AGAP2: variants seen among roughly 807,000 people sequenced by gnomAD.
The protein encoded by AGAP2 is arf-GAP with GTPase, ANK repeat and PH domain-containing protein 2.
AGAP2 carries 32 observed loss-of-function variants against 110.9 expected under a neutral mutation model. The ratio of observed to expected loss-of-function variants is 0.29; its 90% confidence interval spans 0.22 to 0.39. The LOEUF is 0.39. Among genes scored for constraint, AGAP2 ranks in the 10% least tolerant of loss-of-function variants. The pLI, the probability that AGAP2 is intolerant of heterozygous loss-of-function variation, is 1.00. For missense variants in AGAP2, 1,285 were observed against 1,638.5 expected (o/e 0.78, Z 3.72); for synonymous variants, 702 against 713.0 (o/e 0.98, Z 0.25).
chr12:57,732,023 A>G, intron 7 of AGAP2, 56 bp from the exon 8 acceptor site: 14 of 1,577,576 alleles, frequency 8.9e-6, no homozygotes, highest in Non-Finnish European at 1.2e-5. Flanking sequence ...CCACCAAGCT[A>G]CACTCATATC....
Position 57,727,684 on chromosome 12 carries a change from G to T in AGAP2, c.2854C>A (p.Pro952Thr). Reference sequence around the variant, plus strand: ...TCCGCTGCCTCCTGGCACTCACTGGGGGCCCCGCAGTCCACGCAGATTGAA... The same window carrying T: ...TCCGCTGCCTCCTGGCACTCACTGGTGGCCCCGCAGTCCACGCAGATTGAA... ...GNSICVDCGA[P>T]NPTWASLNLG... Residue 952 changes from proline (P) to threonine (T), a missense_variant, in exon 16 of 19, where the codon CCC (proline) becomes ACC (threonine). Pro to Thr is a conservative substitution (Grantham distance 38, BLOSUM62 -1). Transcript: ENST00000547588. The T allele has an allele frequency of 6.2e-7, 1 of 1,606,048 alleles. No homozygotes were observed. Among genetic ancestry groups the T allele is most frequent in the East Asian group, 2.2e-5 (1 of 44,594 alleles).
At chr12:57,730,274 C>T (rs1954860134) in intron 12 of AGAP2, 1 of 646,852 alleles carries the variant, frequency 1.5e-6, no homozygotes, top group Non-Finnish European at 2.6e-6. Flanking sequence ...AGTAACTTGC[C>T]CATGTGGCAA....
intron 5 of AGAP2, among the ~76,000 whole-genome samples, chr12:57,733,357 G>A (rs1954922775): frequency 6.6e-6 from 1 of 152,112 alleles, no homozygotes; most frequent in Admixed American, 6.5e-5. Context: ...TGTGAACTAG[G>A]AAAAGGTTGG....
upstream of AGAP2, among the ~76,000 whole-genome samples, chr12:57,741,120 C>T (rs1391942806): frequency 6.6e-6 from 1 of 152,178 alleles, no homozygotes; most frequent in Non-Finnish European, 1.5e-5. Context: ...TCCACCAGTT[C>T]CTCAGTGGTA....
intron 1 of AGAP2, among the ~76,000 whole-genome samples, chr12:57,736,140 G>C (rs1954977609): frequency 6.6e-6 from 1 of 151,320 alleles, no homozygotes; most frequent in South Asian, 2.1e-4. Context: ...GGACGTTCCC[G>C]GGGCGCCGCA....
intron 12 of AGAP2, among the ~76,000 whole-genome samples, 185 bp from the exon 13 acceptor site, chr12:57,729,952 C>T (rs2140356912): frequency 6.6e-6 from 1 of 152,242 alleles, no homozygotes; most frequent in Middle Eastern, 3.4e-3. Context: ...TAGAGTCAGT[C>T]CTGCACTCAG....
chr12:57,731,482 G>A lies in AGAP2; in HGVS notation c.2041-12C>T. ...TTTAGTAGGAAGCTCTGGAGAAAGG[G>A]GAAAGACACATGTGGGAAAAAAGCC... On this transcript the variant is annotated splice_polypyrimidine_tract_variant and intron_variant, in intron 9 of 18. Coordinates refer to ENST00000547588, the MANE Select transcript of AGAP2 (RefSeq NM_001122772.3). 6.2e-7 allele frequency: 1 copy of A among 1,614,024 alleles called. No individual in the cohort carries two copies. The highest frequency in any genetic ancestry group is 8.5e-7 in the Non-Finnish European group (1 of 1,179,914).
chr12:57,731,036 G>A lies in AGAP2; in HGVS notation c.2146-83C>T, dbSNP rs1954876015. The A allele has an allele frequency of 1.0e-5, 14 of 1,385,208 alleles. No individual in the cohort carries two copies. In the South Asian group the frequency reaches 2.1e-4, roughly 21 times the overall value. The allele number at this position is 1,385,208 out of a possible 1,614,324, so 85.8% of individuals were successfully genotyped here. A position where few individuals can be genotyped will look rare whatever the true frequency, so the allele number is the denominator to read the frequency against. On this transcript the variant is annotated intron_variant, in intron 10 of 18. Transcript: ENST00000547588. ...AGCAGTCAACATGGTACAGAATAGA[G>A]AGGGACTGGGGAGGGGTCTTGGGGG...
chr12:57,730,607 A>G lies in AGAP2; in HGVS notation c.2316T>C (p.Thr772=). 2 of 1,613,096 alleles carry G rather than the reference A, an allele frequency of 1.2e-6. No homozygotes were observed. Among genetic ancestry groups the G allele is most frequent in the Non-Finnish European group, 1.7e-6 (2 of 1,179,572 alleles). ...TVQMGEGLEA[T]TPMPSPSPSP... ...TGGGGCTAGGGCTTGGCATGGGAGTAGTGGCTTCTGTCGGAAGAAGATGAA... is the reference window on the plus strand; with the variant it reads ...TGGGGCTAGGGCTTGGCATGGGAGTGGTGGCTTCTGTCGGAAGAAGATGAA... The change falls in exon 12 of 19, where the codon ACT becomes ACC. Residue 772 remains threonine, a synonymous_variant. Transcript: ENST00000547588.
rs1481997401 is a variant in AGAP2, at chr12:57,726,116, C to A, written c.*436G>T. On this transcript the variant is annotated 3_prime_UTR_variant, in exon 19 of 19. Transcript: ENST00000547588. This position sits in a 1 kb window ranked among gnomAD's most constrained non-coding sequence, Gnocchi z 5.7. ...GGGCTAGCCCTCCCATGTACTAAAC[C>A]CTCCCTCTGGCGTGGCGTCGCCCCA... 1.3e-5 allele frequency: 2 copies of A among 153,068 alleles called. No individual in the cohort carries two copies. The highest frequency in any genetic ancestry group is 2.9e-5 in the Non-Finnish European group (2 of 68,628). 9.5% of individuals were successfully genotyped at this position (153,068 alleles called of 1,614,324 possible).
upstream of AGAP2, among the ~76,000 whole-genome samples, chr12:57,740,509 T>C (rs1006315362): frequency 3.3e-5 from 5 of 152,192 alleles, no homozygotes; most frequent in Non-Finnish European, 5.9e-5. Context: ...AAATCACTTA[T>C]GAGGAGTGAA....
At position 57,734,313 on chromosome 12, in the gene AGAP2, C is replaced by A; in HGVS notation, c.1401+6G>T. The A allele has an allele frequency of 6.2e-7, 1 of 1,614,192 alleles. No individual in the cohort carries two copies. Among genetic ancestry groups the A allele is most frequent in the Non-Finnish European group, 8.5e-7 (1 of 1,180,030 alleles). On this transcript the variant is annotated splice_donor_region_variant and intron_variant, in intron 4 of 18. Coordinates refer to ENST00000547588, the MANE Select transcript of AGAP2 (RefSeq NM_001122772.3). ...CCAGCCTGTCCCCCACCACCTCCAC[C>A]CTCACCTTGGCATCAGGTGCCCCAG...
chr12:57,738,088 G>A lies in AGAP2; in HGVS notation c.159C>T (p.Gly53=). ...CCGGCTCCTCCGCGCCTCGGGGGCT[G>A]CCAGGATCCCCAGTCTCGGAGCCTC... The part of the protein sequence containing the change: ...GARGSETGDP[G]SPRGAEEPGK... Residue 53 remains glycine (G), a synonymous_variant, in exon 1 of 19, where the codon GGC becomes GGT. Coordinates refer to ENST00000547588, the MANE Select transcript of AGAP2 (RefSeq NM_001122772.3). The surrounding 1 kb of genome is among the most constrained non-coding windows in gnomAD (Gnocchi z 6.7). The A allele has an allele frequency of 6.6e-7, 1 of 1,524,690 alleles. No homozygotes were observed. The highest frequency in any genetic ancestry group is 8.8e-7 in the Non-Finnish European group (1 of 1,141,642). The allele number at this position is 1,524,690 out of a possible 1,614,324, so 94.4% of individuals were successfully genotyped here.
downstream of AGAP2, chr12:57,724,780 G>A (rs1358543800): frequency 2.6e-5 from 4 of 152,228 alleles, no homozygotes; most frequent in African/African-American, 9.7e-5. Context: ...TCAGAATACA[G>A]ATAAACAGAT....
At chr12:57,735,562 G>C (rs1954965662) in intron 1 of AGAP2, 135 bp from the exon 2 acceptor site, 1 of 800,408 alleles carries the variant, frequency 1.2e-6, no homozygotes, top group Non-Finnish European at 2.0e-6. Context: ...GTGTGCAACA[G>C]ACAGGTTTGA....
upstream of AGAP2, among the ~76,000 whole-genome samples, chr12:57,740,303 C>G (rs745854183): frequency 2.6e-5 from 4 of 152,106 alleles, no homozygotes; most frequent in Admixed American, 6.5e-5. Context: ...TCCTGGGGCT[C>G]AGCAGTTTCT....
chr12:57,733,084 G>A (rs755906430), intron 5 of AGAP2, 105 bp from the exon 6 acceptor site: 51 of 1,444,084 alleles, frequency 3.5e-5, no homozygotes, highest in Non-Finnish European at 4.8e-5. Flanking sequence ...GGTCCACTGG[G>A]GATGGGGTGT....
In AGAP2 at chr12:57,738,032, C is replaced by T. The variant is rs1955023875; in HGVS notation, c.215G>A (p.Arg72Gln). 6.6e-7 allele frequency: 1 copy of T among 1,519,260 alleles called. No individual in the cohort carries two copies. Among genetic ancestry groups the T allele is most frequent in the Non-Finnish European group, 8.8e-7 (1 of 1,139,336 alleles). The allele number at this position is 1,519,260 out of a possible 1,614,324, so 94.1% of individuals were successfully genotyped here. A position where few individuals can be genotyped will look rare whatever the true frequency, so the allele number is the denominator to read the frequency against. ...GKKRHERLFH[R>Q]QDALWISTSS... ...CGTGCTGATCCACAGCGCATCCTGC[C>T]GGTGGAAGAGACGTTCGTGCCGCTT... Residue 72 changes from arginine to glutamine, a missense_variant, in exon 1 of 19, where the codon CGG becomes CAG. This residue lies in a region of AGAP2 where 844 missense variants were observed against 941.2 expected (regional missense o/e 0.90). Coordinates refer to ENST00000547588, the MANE Select transcript of AGAP2 (RefSeq NM_001122772.3). The surrounding 1 kb of genome is among the most constrained non-coding windows in gnomAD (Gnocchi z 6.7).
Position 57,727,731 on chromosome 12 carries a change from G to T in AGAP2, c.2807C>A (p.Ala936Glu), listed in dbSNP as rs1204630345. Residue 936 changes from alanine to glutamate, a missense_variant, in exon 16 of 19, where the codon GCG (alanine) becomes GAG (glutamate). Ala to Glu is a moderately radical substitution (Grantham distance 107). This residue lies in a region of AGAP2 where 39 missense variants were observed against 45.8 expected (regional missense o/e 0.85). Transcript: ENST00000547588. ...TGAATTCCCCTTGGCGTTCCGGATC[G>T]CCTGGATGGCCACGGCCTCGCTTTG... ...DSQSEAVAIQ[A>E]IRNAKGNSIC... 1.3e-6 allele frequency: 2 copies of T among 1,595,870 alleles called. No individual in the cohort carries two copies. The highest frequency in any genetic ancestry group is 2.2e-5 in the East Asian group (1 of 44,712).
Sources: gnomAD v4.1 joint callset for allele counts (sites outside exome capture counted in the v4.1 genomes callset) on GRCh38, gnomAD v4.1.1 for gene constraint, gnomAD v4.1.1 regional missense constraint, Gnocchi (gnomAD v3.1) non-coding constraint, MANE v1.5 for transcripts, NCBI Gene and HGNC (gene_info 2026-07-23, HGNC 2026-07-21) for gene names.